Variants in LEPR observed in about 807,000 individuals in gnomAD.
LEPR encodes OB receptor.
LEPR carries 56 observed loss-of-function variants against 114.7 expected under a neutral mutation model. The ratio of observed to expected loss-of-function variants is 0.49; its 90% CI spans 0.39 to 0.61. The LOEUF (loss-of-function observed/expected upper bound fraction) is 0.61. Among genes scored for constraint, LEPR ranks in the 20% least tolerant of loss-of-function variants. The probability of loss-of-function intolerance (pLI) is 0.00; values close to 1 mark genes in which losing one functional copy is unlikely to be tolerated. For missense variants in LEPR, 1,202 were observed against 1,352.9 expected, an observed-to-expected ratio of 0.89 and a Z score of 1.75; for synonymous variants, 443 against 461.4, an observed-to-expected ratio of 0.96 and a Z score of 0.51.
intron 2 of LEPR, among the ~76,000 whole-genome samples, chr1:65,564,911 A>C (rs1032175433): frequency 6.6e-6 from 1 of 152,194 alleles, no homozygotes; most frequent in African/African-American, 2.4e-5. Flanking sequence ...CTCCAACTTG[A>C]GTAGAACTCA....
intron 2 of LEPR, among the ~76,000 whole-genome samples, chr1:65,446,439 G>A (rs1254791035): frequency 6.6e-6 from 1 of 152,160 alleles, no homozygotes; most frequent in African/African-American, 2.4e-5. Flanking sequence ...ATCGAACAGA[G>A]GTCACTTTCA....
chr1:65,609,543 C>G (rs765848768), intron 12 of LEPR, among the ~76,000 whole-genome samples: 24 of 152,198 alleles, frequency 1.6e-4, no homozygotes, highest in Non-Finnish European at 3.1e-4. Context: ...GACAGTTTAG[C>G]TGCTATTGAA....
At chr1:65,462,868 T>A (rs976670691) in intron 2 of LEPR, among the ~76,000 whole-genome samples, 1 of 152,180 alleles carries the variant, frequency 6.6e-6, no homozygotes, top group Non-Finnish European at 1.5e-5. Context: ...CTTATAAATT[T>A]AAGTTCTTTG....
intron 5 of LEPR, among the ~76,000 whole-genome samples, chr1:65,574,952 G>A (rs1654474597): frequency 6.6e-6 from 1 of 152,134 alleles, no homozygotes; most frequent in African/African-American, 2.4e-5. Flanking sequence ...CTTGAAGAAA[G>A]GACCCGGAAG....
intron 7 of LEPR, among the ~76,000 whole-genome samples, chr1:65,597,683 G>A (rs895292047): frequency 1.3e-5 from 2 of 152,090 alleles, no homozygotes; most frequent in Non-Finnish European, 2.9e-5. Context: ...AAGGCCTCTT[G>A]GGCCATGTGA....
At chr1:65,488,226 C>CTCTCTCTCTCTCTCTTTCTTTCTTTCTT (rs1553157734) in intron 2 of LEPR, among the ~76,000 whole-genome samples, 4 of 67,962 alleles carry the variant, frequency 5.9e-5, no homozygotes, top group African/African-American at 2.6e-4. Context: ...CTCTCTCTCT[C>CTCTCTCTCTCTCTCTTTCTTTCTTTCTT]TCTTTCTTTC....
chr1:65,529,120 A>G (rs562603619), intron 2 of LEPR, among the ~76,000 whole-genome samples: 1 of 152,222 alleles, frequency 6.6e-6, no homozygotes, highest in East Asian at 1.9e-4. Context: ...GCCCAAAAAA[A>G]GTTTTATATG....
intron 2 of LEPR, among the ~76,000 whole-genome samples, chr1:65,532,740 C>T (rs961529674): frequency 3.3e-5 from 5 of 152,080 alleles, no homozygotes; most frequent in Non-Finnish European, 7.4e-5. Flanking sequence ...ACTAAAGACC[C>T]CAGGATTTTA....
chr1:65,531,295 G>A (rs561054760), intron 2 of LEPR, among the ~76,000 whole-genome samples: 1 of 152,236 alleles, frequency 6.6e-6, no homozygotes, highest in Admixed American at 6.5e-5. Flanking sequence ...CTTTGTTACT[G>A]TCACTTCTTT....
chr1:65,498,021 T>A (rs11800275), intron 2 of LEPR, among the ~76,000 whole-genome samples: 31,617 of 152,086 alleles, frequency 0.21, 4,204 homozygotes, highest in African/African-American at 0.38. Flanking sequence ...CCCCTGTCCC[T>A]GATAAAATGT....
chr1:65,534,618 C>T (rs965679639), intron 2 of LEPR, among the ~76,000 whole-genome samples: 2 of 151,784 alleles, frequency 1.3e-5, no homozygotes, highest in Admixed American at 6.6e-5. Flanking sequence ...TAGAGCAAGG[C>T]GAAAGAGATT....
chr1:65,582,471 A>G (rs1014140444), intron 5 of LEPR, among the ~76,000 whole-genome samples: 21 of 152,050 alleles, frequency 1.4e-4, no homozygotes, highest in African/African-American at 5.1e-4. Flanking sequence ...GTTCCTTGTT[A>G]TGTGGATCTC....
intron 2 of LEPR, among the ~76,000 whole-genome samples, chr1:65,443,232 A>G (rs368150777): frequency 6.6e-6 from 1 of 152,136 alleles, no homozygotes; most frequent in South Asian, 2.1e-4. Flanking sequence ...AAAAAAATCA[A>G]TTGCTTTCCT....
At chr1:65,547,655 C>A (rs1034806930) in intron 2 of LEPR, among the ~76,000 whole-genome samples, 7 of 150,768 alleles carry the variant, frequency 4.6e-5, no homozygotes, top group Non-Finnish European at 7.4e-5. Context: ...GTGGTGATAT[C>A]CCCTTTATCA....
At chr1:65,505,434 C>T (rs551160418) in intron 2 of LEPR, among the ~76,000 whole-genome samples, 3 of 152,292 alleles carry the variant, frequency 2.0e-5, no homozygotes, top group South Asian at 4.2e-4. Context: ...GATTCCACCA[C>T]GATTCCATTT....
intron 19 of LEPR, chr1:65,626,305 G>C (rs1186672896): frequency 1.0e-5 from 13 of 1,306,144 alleles, no homozygotes; most frequent in Non-Finnish European, 1.1e-5. Context: ...TCAAGTTCTG[G>C]TAAATTAAAG....
chr1:65,582,426 G>A (rs1232037080), intron 5 of LEPR, among the ~76,000 whole-genome samples: 2 of 152,284 alleles, frequency 1.3e-5, no homozygotes, highest in South Asian at 2.1e-4. Flanking sequence ...GAGGGCCTCA[G>A]TTCCTCCCTG....
intron 5 of LEPR, among the ~76,000 whole-genome samples, chr1:65,588,689 A>G (rs1263817008): frequency 1.3e-5 from 2 of 152,070 alleles, no homozygotes; most frequent in African/African-American, 4.8e-5. Flanking sequence ...TATAAATGCA[A>G]TCATACAGTA....
At chr1:65,576,969 AT>A in intron 5 of LEPR, 1 of 325,380 alleles carries the variant, frequency 3.1e-6, no homozygotes, top group Non-Finnish European at 6.1e-6. Context: ...TCCTCCAGCC[AT>A]TATCGGTGAC....
Sources: allele counts gnomAD v4.1 joint callset (sites outside exome capture counted in the v4.1 genomes callset), GRCh38; gene constraint gnomAD v4.1.1; transcripts MANE v1.5; gene names NCBI Gene and HGNC (gene_info 2026-07-23, HGNC 2026-07-21).